KIF13B: variants seen among roughly 807,000 people sequenced by gnomAD.
KIF13B encodes kinesin family member 13B, also known as kinesin-like protein KIF13B.
Under a neutral mutation model 222.0 loss-of-function variants are expected in KIF13B, and 127 were observed. That is an observed-to-expected ratio of 0.57 (90% CI 0.50 to 0.66). The LOEUF (loss-of-function observed/expected upper bound fraction) is 0.66. Among genes scored for constraint, KIF13B ranks in the 30% least tolerant of loss-of-function variants. The pLI, the probability that KIF13B is intolerant of heterozygous loss-of-function variation, is 0.00. For synonymous variants in KIF13B, 976 were observed against 919.0 expected, an observed-to-expected ratio of 1.06 and a Z score of -1.12; for missense variants, 2,173 against 2,379.0, an observed-to-expected ratio of 0.91 and a Z score of 1.80.
chr8:29,186,905 G>A (rs1265948136), intron 5 of KIF13B, among the ~76,000 whole-genome samples: 1 of 150,498 alleles, frequency 6.6e-6, no homozygotes, highest in Admixed American at 6.6e-5. Flanking sequence ...GGAGGCGGAG[G>A]TTGCAGTGAG....
chr8:29,171,015 C>T (rs1812214237), intron 10 of KIF13B, among the ~76,000 whole-genome samples: 1 of 152,124 alleles, frequency 6.6e-6, no homozygotes, highest in African/African-American at 2.4e-5. Context: ...GATGTTGCAA[C>T]CTAACCATGG....
Position 29,244,264 on chromosome 8 carries a change from T to C in KIF13B, c.149+1082A>G, listed in dbSNP as rs912621726. 2.6e-5 allele frequency among the ~76,000 whole-genome samples: 4 copies of C among 152,316 alleles called. No individual in the cohort carries two copies. In the East Asian group the frequency reaches 5.8e-4, roughly 22 times the overall value. Reference sequence around the variant, plus strand: ...TCCTGACCTCATGATCTGCCCACCTTGGCCTCCCAAAGTGCTGGGATTACA... The same window carrying C: ...TCCTGACCTCATGATCTGCCCACCTCGGCCTCCCAAAGTGCTGGGATTACA... On this transcript the variant is annotated intron_variant, in intron 2 of 39. Transcript: ENST00000524189.
At chr8:29,174,820 A>C (rs1033978177) in intron 10 of KIF13B, among the ~76,000 whole-genome samples, 8 of 152,246 alleles carry the variant, frequency 5.3e-5, no homozygotes, top group Admixed American at 5.2e-4. Flanking sequence ...ATTTTAACAA[A>C]AGATATTCAA....
rs370433266 is a variant in KIF13B, at chr8:29,176,101, T to C, written c.912A>G (p.Pro304=). The C allele has an allele frequency of 6.2e-5, 100 of 1,613,406 alleles. No homozygotes were observed. Among genetic ancestry groups the C allele is most frequent in the Non-Finnish European group, 8.0e-5 (94 of 1,179,556 alleles). ...GCCAAGTGAGAACTGAGTCACGATA[T>C]GGAACAAATTTATTCTTGTTTTTGC... is the stretch of plus-strand genomic sequence containing the variant. ...SAGKNKNKFV[P]YRDSVLTWLL... is the part of the protein sequence containing the mutation. Residue 304 remains proline, a synonymous_variant, in exon 10 of 40, where the codon CCA becomes CCG. Transcript: ENST00000524189.
At chr8:29,176,955 T>A (rs1812506577) in intron 9 of KIF13B, among the ~76,000 whole-genome samples, 1 of 152,176 alleles carries the variant, frequency 6.6e-6, no homozygotes, top group African/African-American at 2.4e-5. Context: ...TCAACGTGGT[T>A]AGTACAAGTT....
At chr8:29,171,914 C>T (rs1352631529) in intron 10 of KIF13B, among the ~76,000 whole-genome samples, 3 of 150,898 alleles carry the variant, frequency 2.0e-5, no homozygotes, top group Non-Finnish European at 4.4e-5. Flanking sequence ...CACACCACTA[C>T]TCCCAGCTCA....
chr8:29,168,283 C>T (rs192464760), intron 10 of KIF13B, among the ~76,000 whole-genome samples: 272 of 152,274 alleles, frequency 1.8e-3, no homozygotes, highest in African/African-American at 6.4e-3. Context: ...GCTTTAGGAC[C>T]GACTGGCTTC....
intron 1 of KIF13B, among the ~76,000 whole-genome samples, chr8:29,246,324 C>T (rs1816020540): frequency 6.6e-6 from 1 of 151,100 alleles, no homozygotes; most frequent in Non-Finnish European, 1.5e-5. Flanking sequence ...TTGCAGTGAG[C>T]TGAGATCGTG....
chr8:29,111,986 A>G (rs1809377659), intron 32 of KIF13B, among the ~76,000 whole-genome samples: 1 of 152,246 alleles, frequency 6.6e-6, no homozygotes, highest in Non-Finnish European at 1.5e-5. Flanking sequence ...AATGTTCTGC[A>G]AACTCCAAAT....
At chr8:29,118,122 C>A (rs533649690) in intron 30 of KIF13B, among the ~76,000 whole-genome samples, 12 of 151,574 alleles carry the variant, frequency 7.9e-5, no homozygotes, top group Non-Finnish European at 1.3e-4. Context: ...CGCACCATTG[C>A]GCTCCAGCCT....
At chr8:29,200,149 G>T (rs545884960) in intron 2 of KIF13B, among the ~76,000 whole-genome samples, 1 of 152,250 alleles carries the variant, frequency 6.6e-6, no homozygotes, top group East Asian at 1.9e-4. Flanking sequence ...TGCAGCTAGG[G>T]ATTCTGATGG....
chr8:29,177,376 A>G, intron 9 of KIF13B, 90 bp downstream of exon 9: 1 of 984,364 alleles, frequency 1.0e-6, no homozygotes, highest in Non-Finnish European at 1.6e-6. Flanking sequence ...AAAAAATTTC[A>G]AATCACCTTA....
At chr8:29,125,836 C>A (rs1052507355) in intron 26 of KIF13B, among the ~76,000 whole-genome samples, 1 of 151,976 alleles carries the variant, frequency 6.6e-6, no homozygotes, top group Admixed American at 6.6e-5. Flanking sequence ...CAGTCGGGCG[C>A]GGTGGCTCAT....
At chr8:29,250,835 A>C (rs1336459633) in intron 1 of KIF13B, among the ~76,000 whole-genome samples, 2 of 152,266 alleles carry the variant, frequency 1.3e-5, no homozygotes, top group African/African-American at 4.8e-5. Flanking sequence ...AAAATGCTAT[A>C]GCTAGTGTAC....
intron 38 of KIF13B, among the ~76,000 whole-genome samples, chr8:29,074,537 G>A (rs1807463250): frequency 6.6e-6 from 1 of 152,248 alleles, no homozygotes; most frequent in Non-Finnish European, 1.5e-5. Context: ...TACAGAAGCT[G>A]CTGCCTTCAC....
rs147278251 is a variant in KIF13B at position 29,114,825 on chromosome 8, T to C, written c.3838-1270A>G. Among the ~76,000 whole-genome samples the C allele has an allele frequency of 1.1e-3, 165 of 152,250 alleles. 1 individual carries two copies. The East Asian group carries it at 0.028, about 26-fold the overall frequency. ...TGTACCTTTTCTGTCAAGGACCCTG[T>C]AGGGCCGGTGGTTGTGCCAGGTCAG... On this transcript the variant is annotated intron_variant, in intron 31 of 39. Coordinates refer to ENST00000524189, the MANE Select transcript of KIF13B (RefSeq NM_015254.4).
chr8:29,203,625 G>A (rs1293653686), intron 2 of KIF13B, among the ~76,000 whole-genome samples: 1 of 152,108 alleles, frequency 6.6e-6, no homozygotes, highest in Non-Finnish European at 1.5e-5. Flanking sequence ...AGGTGCGGTG[G>A]CTCACGCCTG....
chr8:29,237,057 T>C (rs549242511), intron 2 of KIF13B, among the ~76,000 whole-genome samples: 1 of 152,302 alleles, frequency 6.6e-6, no homozygotes, highest in East Asian at 1.9e-4. Flanking sequence ...TGTTCGAATA[T>C]TGAATGCATC....
chr8:29,104,648 C>T (rs561886834), intron 35 of KIF13B, among the ~76,000 whole-genome samples: 2 of 152,312 alleles, frequency 1.3e-5, no homozygotes, highest in South Asian at 4.1e-4. Flanking sequence ...TGGTGTCCAA[C>T]TCCCCTGCCA....
Sources: allele counts gnomAD v4.1 joint callset (sites outside exome capture counted in the v4.1 genomes callset), GRCh38; gene constraint gnomAD v4.1.1; transcripts MANE v1.5; gene names NCBI Gene and HGNC (gene_info 2026-07-23, HGNC 2026-07-21).